Variants in GIGYF2 observed in about 807,000 individuals in gnomAD.
The protein encoded by GIGYF2 is GRB10 interacting GYF protein 2, also known as GRB10-interacting GYF protein 2.
Under a neutral mutation model 208.1 loss-of-function variants are expected in GIGYF2, and 25 were observed. The ratio of observed to expected loss-of-function variants is 0.12; its 90% CI spans 0.09 to 0.17. GIGYF2 has a LOEUF of 0.17. Ranked by LOEUF, GIGYF2 falls within the 10% of genes least tolerant of loss-of-function variation. The probability of loss-of-function intolerance (pLI) is 1.00; values close to 1 mark genes in which losing one functional copy is unlikely to be tolerated. For synonymous variants in GIGYF2, 534 were observed against 543.8 expected, an observed-to-expected ratio of 0.98 and a Z score of 0.25; for missense variants, 1,302 against 1,579.4, an observed-to-expected ratio of 0.82 and a Z score of 2.98.
intron 2 of GIGYF2, among the ~76,000 whole-genome samples, chr2:232,711,475 TAAC>T (rs1480340040): frequency 1.3e-5 from 2 of 151,608 alleles, no homozygotes; most frequent in Non-Finnish European, 2.9e-5. Flanking sequence ...TATTTAAAAA[TAAC>T]AAACTCATTA....
At chr2:232,824,343 G>A (rs1275707630) in intron 21 of GIGYF2, among the ~76,000 whole-genome samples, 2 of 152,186 alleles carry the variant, frequency 1.3e-5, no homozygotes, top group African/African-American at 4.8e-5. Flanking sequence ...AGTTGTAAAT[G>A]CAAAGGAAAA....
chr2:232,730,052 C>T, intron 2 of GIGYF2: 1 of 934,732 alleles, frequency 1.1e-6, no homozygotes, highest in Non-Finnish European at 1.8e-6. Flanking sequence ...GGGCATAACA[C>T]AAGTCAGCAG....
At chr2:232,825,802 C>G (rs1701229263) in intron 21 of GIGYF2, among the ~76,000 whole-genome samples, 1 of 151,438 alleles carries the variant, frequency 6.6e-6, no homozygotes, top group South Asian at 2.1e-4. Context: ...GTTTGTGTAC[C>G]CATCAACTCG....
At chr2:232,787,890 GTTC>G (rs1448061621) in intron 9 of GIGYF2, among the ~76,000 whole-genome samples, 1 of 152,172 alleles carries the variant, frequency 6.6e-6, no homozygotes. Context: ...GGCTTTTAAA[GTTC>G]TTCTGTTTGT....
chr2:232,803,062 G>A (rs1282030710), intron 14 of GIGYF2, among the ~76,000 whole-genome samples: 1 of 152,092 alleles, frequency 6.6e-6, no homozygotes, highest in Admixed American at 6.6e-5. Flanking sequence ...ACCATGCCCG[G>A]CTCATTTTAG....
In GIGYF2 at chr2:232,834,534, T is replaced by C. The variant is rs1031927367; in HGVS notation, c.2766+1441T>C. ...GTGTCTGTTTGTGGATCTCCTTGTG[T>C]TTAATCTACTCAGAATTCATGGTGC... On this transcript the variant is annotated intron_variant, in intron 22 of 28. Transcript: ENST00000373563. Among the ~76,000 whole-genome samples, 10 of 152,324 alleles carry C rather than the reference T, an allele frequency of 6.6e-5. No individual in the cohort carries two copies. The South Asian group carries it at 2.1e-3, about 32-fold the overall frequency.
At chr2:232,763,763 G>A (rs1423707762) in intron 8 of GIGYF2, among the ~76,000 whole-genome samples, 1 of 151,972 alleles carries the variant, frequency 6.6e-6, no homozygotes, top group African/African-American at 2.4e-5. Flanking sequence ...CCCGGGAGGT[G>A]GAGGCTGCAG....
At position 232,790,777 on chromosome 2, in the gene GIGYF2, T is replaced by G; in HGVS notation, c.792T>G (p.Asp264Glu). The G allele has an allele frequency of 6.2e-7, 1 of 1,614,138 alleles. No homozygotes were observed. The highest frequency in any genetic ancestry group is 8.5e-7 in the Non-Finnish European group (1 of 1,179,984). The change falls in exon 10 of 29, where the codon GAT (aspartate) becomes GAG (glutamate). Residue 264 changes from aspartate to glutamate, a missense_variant. Asp to Glu is a conservative substitution (Grantham distance 45, BLOSUM62 2). Around this residue, in one of 8 missense-constraint regions of GIGYF2, gnomAD observed 50 missense variants for 42.3 expected, o/e 1.18. Coordinates refer to ENST00000373563, the MANE Select transcript of GIGYF2 (RefSeq NM_001103146.3). ...AGTTTGATTTTCGAGATAGAGATGA[T>G]GAACGGGGTTACCGAAGGGTTCGCT... Reference protein sequence around the residue: ...RFEFDFRDRDDERGYRRVRSG... With the variant: ...RFEFDFRDRDEERGYRRVRSG...
intron 21 of GIGYF2, among the ~76,000 whole-genome samples, chr2:232,820,723 A>G (rs533622767): frequency 3.1e-4 from 47 of 152,262 alleles, no homozygotes; most frequent in Non-Finnish European, 5.9e-4. Context: ...ACCATTTATT[A>G]AAGAGACTGT....
chr2:232,725,676 C>T (rs888494380), intron 2 of GIGYF2, among the ~76,000 whole-genome samples: 3 of 152,204 alleles, frequency 2.0e-5, no homozygotes, highest in Admixed American at 2.0e-4. Flanking sequence ...CCAGTATTCC[C>T]AGAGCTTACT....
chr2:232,734,310 C>G (rs1467351423), intron 2 of GIGYF2: 2 of 151,902 alleles, frequency 1.3e-5, no homozygotes, highest in African/African-American at 4.8e-5. Context: ...CACTGCAGCC[C>G]CAAACTCCTG....
At chr2:232,714,608 C>T (rs1481630573) in intron 2 of GIGYF2, among the ~76,000 whole-genome samples, 1 of 152,112 alleles carries the variant, frequency 6.6e-6, no homozygotes, top group Non-Finnish European at 1.5e-5. Flanking sequence ...GAAATGCACA[C>T]ACTGATGTAA....
In GIGYF2 at chr2:232,792,325, A is replaced by G. The variant is rs75458719; in HGVS notation, c.1282+879A>G. On this transcript the variant is annotated intron_variant, in intron 12 of 28. Transcript: ENST00000373563. ...CCAGGCTTATTTCTAACATAGCATT[A>G]TAATATCATAAAGATGTTTATTACC... Among the ~76,000 whole-genome samples, 398 of 152,332 alleles carry G rather than the reference A, an allele frequency of 2.6e-3. 1 individual carries two copies. Among genetic ancestry groups the G allele is most frequent in the African/African-American group, 9.0e-3 (375 of 41,580 alleles).
intron 21 of GIGYF2, among the ~76,000 whole-genome samples, chr2:232,822,962 C>G (rs1027497232): frequency 6.6e-6 from 1 of 151,988 alleles, no homozygotes. Flanking sequence ...CGGTATTTCA[C>G]CATTAAATAT....
rs867436327 is a variant in GIGYF2 at position 232,705,092 on chromosome 2, C to T, written c.-44+1603C>T. ...GCCAGGATGGTCTCGATCTCCTGAC[C>T]TCGTGATCCGCCTGCCTCGGCCTCC... On this transcript the variant is annotated intron_variant, in intron 2 of 28. Transcript: ENST00000373563. 9.2e-5 allele frequency among the ~76,000 whole-genome samples: 14 copies of T among 152,014 alleles called. No homozygotes were observed. The South Asian group carries it at 2.9e-3, about 32-fold the overall frequency.
intron 9 of GIGYF2, among the ~76,000 whole-genome samples, chr2:232,787,724 C>T (rs1699958439): frequency 6.6e-6 from 1 of 152,130 alleles, no homozygotes; most frequent in South Asian, 2.1e-4. Flanking sequence ...TTTTTCCTAA[C>T]AAGAAAGGGT....
chr2:232,812,754 C>A (rs1309705604), intron 18 of GIGYF2, among the ~76,000 whole-genome samples: 2 of 151,800 alleles, frequency 1.3e-5, no homozygotes, highest in African/African-American at 4.8e-5. Flanking sequence ...GTGGAAAAAT[C>A]ATTTAAATTA....
chr2:232,715,521 G>A (rs937566760), intron 2 of GIGYF2, among the ~76,000 whole-genome samples: 1 of 151,714 alleles, frequency 6.6e-6, no homozygotes, highest in Non-Finnish European at 1.5e-5. Flanking sequence ...AAGGTTTCAT[G>A]TATAGTGTAC....
intron 2 of GIGYF2, among the ~76,000 whole-genome samples, chr2:232,707,970 TA>T (rs1180547909): frequency 2.0e-5 from 3 of 151,504 alleles, no homozygotes; most frequent in Non-Finnish European, 2.9e-5. Context: ...TTAAAAAAAA[TA>T]TTTTTTTTGA....
Sources: gnomAD v4.1 joint callset for allele counts (sites outside exome capture counted in the v4.1 genomes callset) on GRCh38, gnomAD v4.1.1 for gene constraint, gnomAD v4.1.1 regional missense constraint, MANE v1.5 for transcripts, NCBI Gene and HGNC (gene_info 2026-07-23, HGNC 2026-07-21) for gene names.